DYNC1H1: variants seen among roughly 807,000 people sequenced by gnomAD.
DYNC1H1 encodes the protein dynein cytoplasmic 1 heavy chain 1, also known as cytoplasmic dynein 1 heavy chain 1.
A neutral mutation model predicts 527.1 loss-of-function variants in DYNC1H1; 51 were observed. The ratio of observed to expected loss-of-function variants is 0.10; its 90% CI spans 0.08 to 0.12. The LOEUF is 0.12. Ranked by LOEUF, DYNC1H1 falls within the 10% of genes least tolerant of loss-of-function variation. The pLI, the probability that DYNC1H1 is intolerant of heterozygous loss-of-function variation, is 1.00. For missense variants in DYNC1H1, 2,771 were observed against 5,971.8 expected, an observed-to-expected ratio of 0.46 and a Z score of 17.66; for synonymous variants, 2,189 against 2,278.8, an observed-to-expected ratio of 0.96 and a Z score of 1.12.
Position 102,010,655 on chromosome 14 carries a change from G to A in DYNC1H1, c.6406-85G>A. 6 of 1,576,002 alleles carry A rather than the reference G, an allele frequency of 3.8e-6. No individual in the cohort carries two copies. The highest frequency in any genetic ancestry group is 2.2e-5 in the South Asian group (2 of 89,416). Reference sequence around the variant, plus strand: ...TGCTCGCACCCTTTGTTCACCAACAGTTACTGATCACGCACCTCCTGGGGA... The same window carrying A: ...TGCTCGCACCCTTTGTTCACCAACAATTACTGATCACGCACCTCCTGGGGA... On this transcript the variant is annotated intron_variant, in intron 31 of 77. Transcript: ENST00000360184. This position sits in a 1 kb window ranked among gnomAD's most constrained non-coding sequence, Gnocchi z 6.0.
At chr14:101,970,191 C>G (rs773327191) in intron 1 of DYNC1H1, among the ~76,000 whole-genome samples, 10 of 152,148 alleles carry the variant, frequency 6.6e-5, no homozygotes, top group Non-Finnish European at 1.3e-4. Context: ...GTTTCATGCT[C>G]TCTTCATATT....
intron 5 of DYNC1H1, among the ~76,000 whole-genome samples, chr14:101,982,730 A>G (rs559150033): frequency 3.3e-5 from 5 of 150,002 alleles, no homozygotes; most frequent in African/African-American, 1.2e-4. Context: ...GTTGCCAAAA[A>G]TGTTGAGGGC....
intron 9 of DYNC1H1, among the ~76,000 whole-genome samples, chr14:101,988,229 C>T (rs920818484): frequency 6.6e-6 from 1 of 152,122 alleles, no homozygotes; most frequent in Admixed American, 6.5e-5. Context: ...CCTTATGATT[C>T]GTGTTACCTT....
rs553267502 is a variant in DYNC1H1 at position 102,044,536 on chromosome 14, C to T, written c.12902+45C>T. Reference sequence around the variant, plus strand: ...AATGGAGACAGTTGTGATGTCAGGGCGTCTGGTGTCACTCAGAGGTGACCC... The same window carrying T: ...AATGGAGACAGTTGTGATGTCAGGGTGTCTGGTGTCACTCAGAGGTGACCC... On this transcript the variant is annotated intron_variant, in intron 71 of 77. Transcript: ENST00000360184. This position sits in a 1 kb window ranked among gnomAD's most constrained non-coding sequence, Gnocchi z 7.1. 1.7e-5 allele frequency: 28 copies of T among 1,613,672 alleles called. No individual in the cohort carries two copies. The highest frequency in any genetic ancestry group is 4.4e-5 in the South Asian group (4 of 91,074).
rs138667106 is a variant in DYNC1H1 at position 102,041,210 on chromosome 14, G to A, written c.11942-364G>A. ...CCATCAGCCGTTTTTGAGTGTGTTA[G>A]GCCAGACCCTGGGCTAGCCAGGCTG... is the stretch of plus-strand genomic sequence containing the variant. On this transcript the variant is annotated intron_variant, in intron 64 of 77. Coordinates refer to ENST00000360184, the MANE Select transcript of DYNC1H1 (RefSeq NM_001376.5). This position sits in a 1 kb window ranked among gnomAD's most constrained non-coding sequence, Gnocchi z 4.5. 3.7e-4 allele frequency: 141 copies of A among 382,366 alleles called. No individual in the cohort carries two copies. The highest frequency in any genetic ancestry group is 2.7e-3 in the African/African-American group (132 of 48,228). The allele number at this position is 382,366 out of a possible 1,614,324, so 23.7% of individuals were successfully genotyped here.
chr14:101,974,895 C>G (rs1305632464), intron 1 of DYNC1H1, among the ~76,000 whole-genome samples: 1 of 152,184 alleles, frequency 6.6e-6, no homozygotes, highest in Non-Finnish European at 1.5e-5. Flanking sequence ...AGCGTGGTCT[C>G]TGCCTTCCAA....
intron 69 of DYNC1H1, chr14:102,043,049 AG>A (rs768773527): frequency 7.5e-6 from 3 of 402,470 alleles, no homozygotes; most frequent in East Asian, 5.8e-5. Flanking sequence ...TGGGAGGCTG[AG>A]GTGGGCAGAT....
chr14:101,965,099 G>T lies in DYNC1H1; in HGVS notation c.256+152G>T. On this transcript the variant is annotated intron_variant, in intron 1 of 77. Coordinates refer to ENST00000360184, the MANE Select transcript of DYNC1H1 (RefSeq NM_001376.5). The surrounding 1 kb of genome is among the most constrained non-coding windows in gnomAD (Gnocchi z 4.1). Reference sequence around the variant, plus strand: ...TGGGCAGAGCCCGGCGGCCGCAGACGTCCCGCCGGCCGGGTCCCCAGGGCC... The same window carrying T: ...TGGGCAGAGCCCGGCGGCCGCAGACTTCCCGCCGGCCGGGTCCCCAGGGCC... 1.2e-6 allele frequency: 1 copy of T among 849,576 alleles called. No individual in the cohort carries two copies. The highest frequency in any genetic ancestry group is 1.8e-5 in the African/African-American group (1 of 55,256). 52.6% of individuals were successfully genotyped at this position (849,576 alleles called of 1,614,324 possible).
At position 102,005,445 on chromosome 14, in the gene DYNC1H1, G is replaced by A. The variant is rs140941345; in HGVS notation, c.5433+209G>A. On this transcript the variant is annotated intron_variant, in intron 26 of 77. Coordinates refer to ENST00000360184, the MANE Select transcript of DYNC1H1 (RefSeq NM_001376.5). This position sits in a 1 kb window ranked among gnomAD's most constrained non-coding sequence, Gnocchi z 4.0. Reference sequence around the variant, plus strand: ...GCATGCAGGGGTTACGCGACATCACGGTAGAGAGGAAGGGATCAACCTTGG... The same window carrying A: ...GCATGCAGGGGTTACGCGACATCACAGTAGAGAGGAAGGGATCAACCTTGG... Among the ~76,000 whole-genome samples, 15 of 152,326 alleles carry A rather than the reference G, an allele frequency of 9.8e-5. No homozygotes were observed. The highest frequency in any genetic ancestry group is 8.3e-4 in the South Asian group (4 of 4,828).
rs17512762 is a variant in DYNC1H1, at chr14:102,036,127, C to G, written c.10755-362C>G. ...TCTGTATAATGTTAATCCCTTGCTGCTGCGACATCATTGATGTTGATACGT... is the reference window on the plus strand; with the variant it reads ...TCTGTATAATGTTAATCCCTTGCTGGTGCGACATCATTGATGTTGATACGT... On this transcript the variant is annotated intron_variant, in intron 56 of 77. Transcript: ENST00000360184. The surrounding 1 kb of genome is among the most constrained non-coding windows in gnomAD (Gnocchi z 5.6). The G allele has an allele frequency of 5.5e-4, 159 of 289,710 alleles. 1 individual carries two copies. The highest frequency in any genetic ancestry group is 5.4e-3 in the South Asian group (158 of 29,496). 17.9% of individuals were successfully genotyped at this position (289,710 alleles called of 1,614,324 possible). A position where few individuals can be genotyped will look rare whatever the true frequency, so the allele number is the denominator to read the frequency against.
intron 48 of DYNC1H1, chr14:102,028,490 G>A (rs576536668): frequency 2.8e-6 from 1 of 355,884 alleles, no homozygotes; most frequent in African/African-American, 2.1e-5. Context: ...AATCCAGCCT[G>A]GGCAACAGAG....
chr14:102,033,217 G>A lies in DYNC1H1; in HGVS notation c.10197+35G>A. On this transcript the variant is annotated intron_variant, in intron 53 of 77. Transcript: ENST00000360184. This position sits in a 1 kb window ranked among gnomAD's most constrained non-coding sequence, Gnocchi z 5.6. The stretch of plus-strand genomic sequence containing the variant: ...ACAGCCAGGAGCTCCCGTGTGAAAG[G>A]TGACCTCTTTTCCTGTCACTTAAAT... The A allele has an allele frequency of 5.6e-6, 9 of 1,614,190 alleles. No homozygotes were observed. Among genetic ancestry groups the A allele is most frequent in the Non-Finnish European group, 7.6e-6 (9 of 1,180,010 alleles).
chr14:101,984,381 G>T (rs200685503), intron 7 of DYNC1H1, among the ~76,000 whole-genome samples: 1 of 128,640 alleles, frequency 7.8e-6, no homozygotes, highest in African/African-American at 3.4e-5. Context: ...GTGTGTGTGT[G>T]TATATATATA....
In DYNC1H1 at chr14:102,033,031, G is replaced by C. The variant is rs200045532; in HGVS notation, c.10080-34G>C. 7.2e-5 allele frequency: 115 copies of C among 1,593,718 alleles called. 1 individual carries two copies. In the African/African-American group the frequency reaches 1.4e-3, roughly 19 times the overall value. On this transcript the variant is annotated intron_variant, in intron 52 of 77. Transcript: ENST00000360184. This position sits in a 1 kb window ranked among gnomAD's most constrained non-coding sequence, Gnocchi z 5.6. ...GAAAACTCTTCCTTGCTTTTGTCCT[G>C]CATGTGTTTAGAAATATCATTCGTC...
chr14:102,047,044 T>G (rs1431668990), intron 72 of DYNC1H1, among the ~76,000 whole-genome samples: 1 of 152,138 alleles, frequency 6.6e-6, no homozygotes, highest in Admixed American at 6.5e-5. Flanking sequence ...ATGCTCCCGC[T>G]TCCGCCTCCC....
chr14:101,970,470 G>GTTTTTTTTTTTTTTTTTTT (rs1324948272), intron 1 of DYNC1H1, among the ~76,000 whole-genome samples: 2 of 96,276 alleles, frequency 2.1e-5, no homozygotes, highest in African/African-American at 4.8e-5. Flanking sequence ...TTGGTTTGTT[G>GTTTTTTTTTTTTTTTTTTT]TTGTTTTTTT....
Position 101,994,812 on chromosome 14 carries a change from A to G in DYNC1H1, c.3296A>G (p.Lys1099Arg), listed in dbSNP as rs547313887. ...GGAACCTTTGACAATGCAGAAACCA[A>G]GAAAGAGTTTGGACCAGTAGTTATA... The part of the protein sequence containing the change: ...ARGTFDNAET[K>R]KEFGPVVIDY... The change falls in exon 13 of 78, where the codon AAG (lysine) becomes AGG (arginine). Residue 1099 changes from lysine (K) to arginine (R), a missense_variant. Lys to Arg is a conservative substitution (Grantham distance 26, BLOSUM62 2). This residue lies in a region of DYNC1H1 where 179 missense variants were observed against 349.4 expected (regional missense o/e 0.51). Coordinates refer to ENST00000360184, the MANE Select transcript of DYNC1H1 (RefSeq NM_001376.5). The G allele has an allele frequency of 2.5e-6, 4 of 1,614,250 alleles. No homozygotes were observed. In the African/African-American group the frequency reaches 4.0e-5, roughly 16 times the overall value.
intron 15 of DYNC1H1, among the ~76,000 whole-genome samples, chr14:101,996,225 G>T (rs1330894024): frequency 6.7e-6 from 1 of 149,290 alleles, no homozygotes; most frequent in East Asian, 2.1e-4. Flanking sequence ...TGCCTCCTAG[G>T]TTCAAGCGAT....
chr14:102,043,999 G>A lies in DYNC1H1; in HGVS notation c.12638G>A (p.Arg4213Gln). The A allele has an allele frequency of 6.2e-7, 1 of 1,614,174 alleles. No homozygotes were observed. Among genetic ancestry groups the A allele is most frequent in the Non-Finnish European group, 8.5e-7 (1 of 1,180,042 alleles). The change falls in exon 70 of 78, where the codon CGG (arginine) becomes CAG (glutamine). Residue 4213 changes from arginine to glutamine, a missense_variant. Coordinates refer to ENST00000360184, the MANE Select transcript of DYNC1H1 (RefSeq NM_001376.5). ...KKYEFGESDL[R>Q]SACDTVDTWL... ...TATGAATTTGGAGAGTCTGACCTGC[G>A]GTCAGCTTGCGATACGGTGGACACG...
Sources: gnomAD v4.1 joint callset for allele counts (sites outside exome capture counted in the v4.1 genomes callset) on GRCh38, gnomAD v4.1.1 for gene constraint, gnomAD v4.1.1 regional missense constraint, Gnocchi (gnomAD v3.1) non-coding constraint, MANE v1.5 for transcripts, NCBI Gene and HGNC (gene_info 2026-07-23, HGNC 2026-07-21) for gene names.